PALD1: variants seen among roughly 807,000 people sequenced by gnomAD.
PALD1 encodes the protein phosphatase domain containing paladin 1, also known as paladin.
A neutral mutation model predicts 96.0 loss-of-function variants in PALD1; 57 were observed. The ratio of observed to expected loss-of-function variants is 0.59; its 90% confidence interval spans 0.48 to 0.74. The LOEUF is 0.74. PALD1 is among the 30% of genes least tolerant of loss of function. The probability of loss-of-function intolerance (pLI) is 0.00; values close to 1 mark genes in which losing one functional copy is unlikely to be tolerated. For missense variants in PALD1, 1,063 were observed against 1,143.7 expected, an observed-to-expected ratio of 0.93 and a Z score of 1.02; for synonymous variants, 464 against 473.6, an observed-to-expected ratio of 0.98 and a Z score of 0.26.
In PALD1 at chr10:70,478,918, G is replaced by C. The variant is rs534768399; in HGVS notation, c.-171G>C. 1 of 152,178 alleles carries C rather than the reference G, an allele frequency of 6.6e-6. No homozygotes were observed. Among genetic ancestry groups the C allele is most frequent in the Non-Finnish European group, 1.5e-5 (1 of 68,006 alleles). The allele number at this position is 152,178 out of a possible 1,614,324, so 9.4% of individuals were successfully genotyped here. Reference sequence around the variant, plus strand: ...CCGGAGCCACCTCTGCCCCCGCATGGGCTGGCGAAGTTGGGAGGAGCGAGC... The same window carrying C: ...CCGGAGCCACCTCTGCCCCCGCATGCGCTGGCGAAGTTGGGAGGAGCGAGC... On this transcript the variant is annotated 5_prime_UTR_variant, in exon 1 of 20. Transcript: ENST00000263563.
intron 19 of PALD1, 136 bp downstream of exon 19, chr10:70,564,655 C>T: frequency 1.3e-6 from 1 of 784,370 alleles, no homozygotes; most frequent in Non-Finnish European, 2.0e-6. Context: ...CCCCTTTCTG[C>T]AGGAGGCTTC....
Position 70,564,424 on chromosome 10 carries a change from T to C in PALD1, c.2323T>C (p.Leu775=). 6.2e-7 allele frequency: 1 copy of C among 1,614,136 alleles called. No individual in the cohort carries two copies. The highest frequency in any genetic ancestry group is 1.1e-5 in the South Asian group (1 of 91,086). Residue 775 remains leucine (L), a synonymous_variant, in exon 19 of 20, where the codon TTG becomes CTG. Transcript: ENST00000263563. The part of the protein sequence containing the change: ...RRLQLRSLQY[L]ERYVCLILFN... ...GCTGCAGCTGCGGAGCCTGCAGTAC[T>C]TGGAGCGCTATGTCTGCCTGATTCT... is the stretch of plus-strand genomic sequence containing the variant.
intron 12 of PALD1, among the ~76,000 whole-genome samples, chr10:70,538,643 T>A (rs1036566575): frequency 5.3e-5 from 8 of 152,342 alleles, no homozygotes; most frequent in African/African-American, 1.9e-4. Flanking sequence ...ACCCAAGAGC[T>A]CTGGGCAGGG....
chr10:70,564,997 C>T (rs1396209961), intron 19 of PALD1, among the ~76,000 whole-genome samples: 2 of 152,224 alleles, frequency 1.3e-5, no homozygotes, highest in East Asian at 1.9e-4. Context: ...GCCAACTCCT[C>T]CACAGCTGCT....
chr10:70,474,645 G>A (rs149097216), upstream of PALD1, among the ~76,000 whole-genome samples: 1 of 152,262 alleles, frequency 6.6e-6, no homozygotes, highest in African/African-American at 2.4e-5. Flanking sequence ...TGTGTAGCTG[G>A]CCCTGGTGTA....
upstream of PALD1, among the ~76,000 whole-genome samples, chr10:70,476,386 C>T (rs1845822834): frequency 6.6e-6 from 1 of 152,178 alleles, no homozygotes; most frequent in Non-Finnish European, 1.5e-5. Flanking sequence ...CCTCCCAGGC[C>T]CACGGTGGGG....
Position 70,547,349 on chromosome 10 carries a change from TGAA to T in PALD1, c.2170_2172del (p.Lys724del). On this transcript the variant is annotated inframe_deletion, in exon 18 of 20. Transcript: ENST00000263563. The stretch of plus-strand genomic sequence containing the variant: ...CAGCTGCTACCCGATGGGCACCGTG[TGAA>T]GAAGGAGGTGGACGCAGCGCTGGAC... 1 of 1,613,324 alleles carries T rather than the reference TGAA, an allele frequency of 6.2e-7. No homozygotes were observed. The highest frequency in any genetic ancestry group is 2.2e-5 in the East Asian group (1 of 44,870).
chr10:70,470,987 T>TG, the PALD1 span, among the ~76,000 whole-genome samples: 1 of 151,852 alleles, frequency 6.6e-6, no homozygotes, highest in African/African-American at 2.4e-5. Flanking sequence ...TTTTTTTTTT[T>TG]TGTGGTACTT....
the PALD1 span, among the ~76,000 whole-genome samples, chr10:70,468,335 C>T: frequency 6.6e-6 from 1 of 151,942 alleles, no homozygotes. Flanking sequence ...CCTTCACCTC[C>T]CGGGTTCAAA....
chr10:70,498,278 A>ATT (rs1480183333), intron 1 of PALD1, among the ~76,000 whole-genome samples: 3 of 152,094 alleles, frequency 2.0e-5, no homozygotes, highest in Non-Finnish European at 4.4e-5. Flanking sequence ...GTTAACATTT[A>ATT]TTTTATTTTT....
chr10:70,510,834 C>T (rs912365931), intron 1 of PALD1, among the ~76,000 whole-genome samples: 21 of 152,144 alleles, frequency 1.4e-4, no homozygotes, highest in African/African-American at 4.6e-4. Context: ...TTGGGACTTT[C>T]GAAATCTCTG....
chr10:70,537,832 G>C lies in PALD1; in HGVS notation c.1249G>C (p.Val417Leu). 6.2e-7 allele frequency: 1 copy of C among 1,613,316 alleles called. No individual in the cohort carries two copies. The highest frequency in any genetic ancestry group is 8.5e-7 in the Non-Finnish European group (1 of 1,179,428). Reference protein sequence around the residue: ...PAQGSGSRHSVWQRALWSLER... With the variant: ...PAQGSGSRHSLWQRALWSLER... ...TCAGGGAAGCGGCAGCCGACACAGC[G>C]TCTGGCAGAGGGCGCTGTGGAGCCT... The change falls in exon 11 of 20, where the codon GTC becomes CTC. Residue 417 changes from valine to leucine, a missense_variant. Transcript: ENST00000263563.
At chr10:70,487,443 T>G (rs531791397) in intron 1 of PALD1, among the ~76,000 whole-genome samples, 1 of 151,822 alleles carries the variant, frequency 6.6e-6, no homozygotes, top group Non-Finnish European at 1.5e-5. Flanking sequence ...GTGCCCAATT[T>G]TCTCACCTGC....
At chr10:70,532,965 G>T (rs1847026194) in intron 6 of PALD1, 30 bp from the exon 7 acceptor site, 1 of 1,561,428 alleles carries the variant, frequency 6.4e-7, no homozygotes, top group Admixed American at 1.9e-5. Flanking sequence ...GTGGGTGCCT[G>T]CCTGATGGCT....
Position 70,540,707 on chromosome 10 carries a change from C to T in PALD1, c.1909-395C>T, listed in dbSNP as rs964196536. 2.6e-5 allele frequency among the ~76,000 whole-genome samples: 4 copies of T among 152,142 alleles called. No homozygotes were observed. Among genetic ancestry groups the T allele is most frequent in the Non-Finnish European group, 4.4e-5 (3 of 68,022 alleles). ...CAGGGCTCTTCTGAGGTCAGGCCCC[C>T]GTCCATGGTGGGACCAGGGCTGGGT... On this transcript the variant is annotated intron_variant, in intron 15 of 19. Transcript: ENST00000263563. The surrounding 1 kb of genome is among the most constrained non-coding windows in gnomAD (Gnocchi z 4.2).
chr10:70,466,604 C>A, the PALD1 span, among the ~76,000 whole-genome samples: 1 of 152,194 alleles, frequency 6.6e-6, no homozygotes, highest in African/African-American at 2.4e-5. Context: ...AGCTGTGCAA[C>A]CATCAGCACC....
Position 70,539,160 on chromosome 10 carries a change from C to T in PALD1, c.1638C>T (p.Ser546=), listed in dbSNP as rs1251791573. The part of the protein sequence containing the change: ...KRRLRKVVWV[S]LREEAVLECD... ...GGCTGCGGAAGGTTGTCTGGGTGAG[C>T]CTTCGGGAGGAGGCCGTGTTGGAGT... is the stretch of plus-strand genomic sequence containing the variant. The change falls in exon 14 of 20, where the codon AGC becomes AGT. Residue 546 remains serine, a synonymous_variant. Coordinates refer to ENST00000263563, the MANE Select transcript of PALD1 (RefSeq NM_014431.3). The surrounding 1 kb of genome is among the most constrained non-coding windows in gnomAD (Gnocchi z 4.5). The T allele has an allele frequency of 1.9e-6, 3 of 1,613,514 alleles. No homozygotes were observed. Among genetic ancestry groups the T allele is most frequent in the Non-Finnish European group, 2.5e-6 (3 of 1,179,762 alleles).
At chr10:70,473,170 G>A in the PALD1 span, among the ~76,000 whole-genome samples, 1 of 152,184 alleles carries the variant, frequency 6.6e-6, no homozygotes, top group African/African-American at 2.4e-5. Flanking sequence ...TGACCTGGAA[G>A]GTCCTGCATC....
intron 10 of PALD1, among the ~76,000 whole-genome samples, chr10:70,537,133 G>T (rs535260607): frequency 2.0e-5 from 3 of 151,384 alleles, no homozygotes; most frequent in East Asian, 3.9e-4. Context: ...TTTGAGACAG[G>T]GTCTCACTTT....
Sources: gnomAD v4.1 joint callset for allele counts (sites outside exome capture counted in the v4.1 genomes callset) on GRCh38, gnomAD v4.1.1 for gene constraint, Gnocchi (gnomAD v3.1) non-coding constraint, MANE v1.5 for transcripts, NCBI Gene and HGNC (gene_info 2026-07-23, HGNC 2026-07-21) for gene names.